DNTTIP1: variants seen among roughly 807,000 people sequenced by gnomAD.
The protein encoded by DNTTIP1 is deoxynucleotidyltransferase terminal interacting protein 1.
DNTTIP1 carries 22 observed loss-of-function variants against 52.9 expected under a neutral mutation model. That is an observed-to-expected ratio of 0.42 (90% CI 0.30 to 0.59). The LOEUF (loss-of-function observed/expected upper bound fraction) is 0.59. Ranked by LOEUF, DNTTIP1 falls within the 20% of genes least tolerant of loss-of-function variation. DNTTIP1 has a pLI of 0.22. For synonymous variants in DNTTIP1, 136 were observed against 155.1 expected (o/e 0.88, Z 0.92); for missense variants, 286 against 435.5 (o/e 0.66, Z 3.06).
At chr20:45,801,509 C>A (rs756864503) in intron 6 of DNTTIP1, 51 bp downstream of exon 6, 1 of 1,597,064 alleles carries the variant, frequency 6.3e-7, no homozygotes, top group South Asian at 1.1e-5. Flanking sequence ...CTTGTCAGGC[C>A]GGGTGTGGTG....
intron 11 of DNTTIP1, among the ~76,000 whole-genome samples, chr20:45,810,071 C>T (rs1568710716): frequency 6.6e-6 from 1 of 151,988 alleles, no homozygotes; most frequent in Non-Finnish European, 1.5e-5. Flanking sequence ...GAGACCTGTG[C>T]ACTTCTACAG....
At chr20:45,799,023 A>G (rs542944202) in intron 4 of DNTTIP1, among the ~76,000 whole-genome samples, 2 of 152,322 alleles carry the variant, frequency 1.3e-5, no homozygotes, top group African/African-American at 4.8e-5. Context: ...GAAAGGGACA[A>G]AGTTTGGAGG....
intron 8 of DNTTIP1, among the ~76,000 whole-genome samples, chr20:45,803,893 CAG>C (rs541402420): frequency 5.3e-4 from 81 of 152,318 alleles, no homozygotes; most frequent in African/African-American, 1.8e-3. Context: ...CCGCTGACAC[CAG>C]AGTCTGTGCT....
intron 4 of DNTTIP1, among the ~76,000 whole-genome samples, chr20:45,799,374 G>T (rs182673590): frequency 2.7e-4 from 41 of 152,336 alleles, no homozygotes; most frequent in African/African-American, 9.1e-4. Flanking sequence ...CCTCAGCACT[G>T]TCAAATGCCA....
In DNTTIP1 at chr20:45,800,770, G is replaced by T. The variant is rs191855431; in HGVS notation, c.373-304G>T. ...ATATATATATATTTGGAAGTGGGCC[G>T]ATCACTTGAGGTCAGGAGTTCAAGA... On this transcript the variant is annotated intron_variant, in intron 4 of 12. Transcript: ENST00000372622. Among the ~76,000 whole-genome samples, 103 of 126,030 alleles carry T rather than the reference G, an allele frequency of 8.2e-4. 1 individual carries two copies. Among genetic ancestry groups the T allele is most frequent in the South Asian group, 8.1e-3 (30 of 3,692 alleles). The allele number at this position is 126,030 out of a possible 152,430, so 82.7% of individuals were successfully genotyped here. A position where few individuals can be genotyped will look rare whatever the true frequency, so the allele number is the denominator to read the frequency against.
At chr20:45,794,095 T>C (rs1981147000) in intron 3 of DNTTIP1, 78 bp downstream of exon 3, 3 of 858,590 alleles carry the variant, frequency 3.5e-6, no homozygotes, top group Admixed American at 5.3e-5. Flanking sequence ...CACCAGTCTG[T>C]CTCTTTCCTA....
At chr20:45,803,260 A>G in intron 7 of DNTTIP1, 73 bp from the exon 8 acceptor site, 5 of 1,485,976 alleles carry the variant, frequency 3.4e-6, no homozygotes, top group Non-Finnish European at 4.7e-6. Context: ...AACTCCTACC[A>G]CCACCAGCAA....
At chr20:45,797,125 C>T (rs1034302645) in intron 4 of DNTTIP1, among the ~76,000 whole-genome samples, 1 of 152,162 alleles carries the variant, frequency 6.6e-6, no homozygotes. Flanking sequence ...CAGTTCCAAT[C>T]CACTCTTCTC....
At position 45,796,620 on chromosome 20, in the gene DNTTIP1, A is replaced by G. The variant is rs1048986765; in HGVS notation, c.372+1177A>G. The stretch of plus-strand genomic sequence containing the variant: ...CTGTTTACATGTGTCAGCTGCTGTT[A>G]TTAGGAGGAATTGTTGCCATCACCA... On this transcript the variant is annotated intron_variant, in intron 4 of 12. Coordinates refer to ENST00000372622, the MANE Select transcript of DNTTIP1 (RefSeq NM_052951.3). The G allele has an allele frequency of 6.5e-6, 3 of 461,432 alleles. No individual in the cohort carries two copies. The East Asian group carries it at 2.1e-4, about 32-fold the overall frequency. The allele number at this position is 461,432 out of a possible 1,614,324, so 28.6% of individuals were successfully genotyped here.
rs1240095145 is a variant in DNTTIP1 at position 45,805,154 on chromosome 20, A to C, written c.612A>C (p.Pro204=). 2 of 1,614,070 alleles carry C rather than the reference A, an allele frequency of 1.2e-6. No homozygotes were observed. Among genetic ancestry groups the C allele is most frequent in the Non-Finnish European group, 1.7e-6 (2 of 1,180,038 alleles). Reference sequence around the variant, plus strand: ...CTCTATTTTTTGCACAGTGGGACCCAGCTCGCCTGAATGAATCTACCACCT... The same window carrying C: ...CTCTATTTTTTGCACAGTGGGACCCCGCTCGCCTGAATGAATCTACCACCT... ...PIRREGPKWD[P]ARLNESTTFV... The change falls in exon 9 of 13, where the codon CCA becomes CCC. Residue 204 remains proline (P), a synonymous_variant. Coordinates refer to ENST00000372622, the MANE Select transcript of DNTTIP1 (RefSeq NM_052951.3).
At chr20:45,801,904 T>C (rs1268738410) in intron 6 of DNTTIP1, 95 bp from the exon 7 acceptor site, 1 of 1,228,224 alleles carries the variant, frequency 8.1e-7, no homozygotes, top group Non-Finnish European at 1.2e-6. Context: ...TTGATCTCTT[T>C]GGAAAACCAT....
At chr20:45,797,936 G>T (rs1981296167) in intron 4 of DNTTIP1, among the ~76,000 whole-genome samples, 1 of 152,136 alleles carries the variant, frequency 6.6e-6, no homozygotes, top group African/African-American at 2.4e-5. Context: ...ATTCCTCAGG[G>T]ATCTAGAACT....
At chr20:45,803,736 ATTCTATAAATGAGGCGTTTCCTT>A (rs1981549017) in intron 8 of DNTTIP1, among the ~76,000 whole-genome samples, 2 of 152,216 alleles carry the variant, frequency 1.3e-5, no homozygotes, top group African/African-American at 4.8e-5. Context: ...TCTGTGAACC[ATTCTATAAATGAGGCGTTTCCTT>A]TTCTGCCAGC....
At chr20:45,806,552 C>T (rs941648544) in intron 10 of DNTTIP1, among the ~76,000 whole-genome samples, 4 of 152,216 alleles carry the variant, frequency 2.6e-5, no homozygotes, top group African/African-American at 9.7e-5. Context: ...AGAAGAATAG[C>T]AGTGCATGTG....
chr20:45,806,892 AT>A (rs1246950664), intron 10 of DNTTIP1, among the ~76,000 whole-genome samples: 1 of 152,152 alleles, frequency 6.6e-6, no homozygotes, highest in Non-Finnish European at 1.5e-5. Flanking sequence ...CTTTGTTTGT[AT>A]CATCCCCAAA....
intron 4 of DNTTIP1, 130 bp downstream of exon 4, chr20:45,795,573 C>T: frequency 1.8e-6 from 1 of 553,894 alleles, no homozygotes; most frequent in Non-Finnish European, 3.2e-6. Context: ...CCAAGGTGGG[C>T]AGATCACTCA....
intron 4 of DNTTIP1, chr20:45,796,564 A>G (rs1213342055): frequency 2.1e-6 from 1 of 471,138 alleles, no homozygotes; most frequent in African/African-American, 2.0e-5. Context: ...CATCAGGTCT[A>G]TAAATGACTG....
chr20:45,810,863 C>T (rs1214161750), intron 11 of DNTTIP1, 22 bp from the exon 12 acceptor site: 6 of 1,612,392 alleles, frequency 3.7e-6, no homozygotes, highest in Non-Finnish European at 5.1e-6. Context: ...GCAATGACCA[C>T]TCTCCCTTGC....
chr20:45,800,309 A>C (rs1204950763), intron 4 of DNTTIP1, among the ~76,000 whole-genome samples: 1 of 152,040 alleles, frequency 6.6e-6, no homozygotes, highest in African/African-American at 2.4e-5. Context: ...TACATTTTTT[A>C]ATTTTTCCAG....
Sources: allele counts gnomAD v4.1 joint callset (sites outside exome capture counted in the v4.1 genomes callset), GRCh38; gene constraint gnomAD v4.1.1; transcripts MANE v1.5; gene names NCBI Gene and HGNC (gene_info 2026-07-23, HGNC 2026-07-21).